The following PDE4B variants were observed in gnomAD, a reference collection of about 807,000 sequenced individuals.
PDE4B encodes the protein phosphodiesterase 4B.
PDE4B carries 20 observed loss-of-function variants against 82.2 expected under a neutral mutation model. That is an observed-to-expected ratio of 0.24 (90% CI 0.17 to 0.35). The LOEUF (loss-of-function observed/expected upper bound fraction) is 0.35, where lower values mean the gene tolerates loss of function less well. Among genes scored for constraint, PDE4B ranks in the 10% least tolerant of loss-of-function variants. The pLI is 1.00. For missense variants in PDE4B, 655 were observed against 907.2 expected (o/e 0.72, Z 3.57); for synonymous variants, 320 against 318.9 (o/e 1.00, Z -0.04).
chr1:66,294,174 C>T (rs1050980475), intron 7 of PDE4B, among the ~76,000 whole-genome samples: 1 of 152,032 alleles, frequency 6.6e-6, no homozygotes, highest in African/African-American at 2.4e-5. Flanking sequence ...CCATTGCACT[C>T]CACCCTGGGT....
chr1:66,279,593 C>G (rs1656147349), intron 7 of PDE4B, among the ~76,000 whole-genome samples: 1 of 151,998 alleles, frequency 6.6e-6, no homozygotes, highest in Non-Finnish European at 1.5e-5. Flanking sequence ...CCACTGCACT[C>G]CAGAGCGAGA....
At chr1:66,356,101 C>T (rs1662218507) in intron 9 of PDE4B, among the ~76,000 whole-genome samples, 1 of 152,142 alleles carries the variant, frequency 6.6e-6, no homozygotes, top group African/African-American at 2.4e-5. Flanking sequence ...TGAGAATAAG[C>T]TTTGGAAATA....
At chr1:65,978,049 TG>T (rs1650501233) in intron 3 of PDE4B, among the ~76,000 whole-genome samples, 1 of 134,932 alleles carries the variant, frequency 7.4e-6, no homozygotes, top group African/African-American at 2.7e-5. Context: ...TTTTTTGAGA[TG>T]GGGTTTTGCT....
chr1:65,900,612 G>A (rs1171061070), intron 1 of PDE4B, among the ~76,000 whole-genome samples: 1 of 152,010 alleles, frequency 6.6e-6, no homozygotes, highest in African/African-American at 2.4e-5. Context: ...CCATTTGTTT[G>A]TGTCATCTGT....
intron 1 of PDE4B, among the ~76,000 whole-genome samples, chr1:65,907,106 A>T (rs890764961): frequency 6.6e-6 from 1 of 152,118 alleles, no homozygotes; most frequent in Non-Finnish European, 1.5e-5. Flanking sequence ...TTCCCCTCAA[A>T]TTTACTTGCT....
intron 1 of PDE4B, among the ~76,000 whole-genome samples, chr1:65,844,163 A>T (rs563693930): frequency 6.6e-6 from 1 of 152,320 alleles, no homozygotes; most frequent in African/African-American, 2.4e-5. Context: ...GAATTGCTTC[A>T]TAAATGTGGA....
chr1:65,811,356 T>A (rs1479785330), intron 1 of PDE4B, among the ~76,000 whole-genome samples: 1 of 152,282 alleles, frequency 6.6e-6, no homozygotes, highest in Non-Finnish European at 1.5e-5. Flanking sequence ...TTGAGCATCC[T>A]CAAGGCTTGG....
intron 3 of PDE4B, among the ~76,000 whole-genome samples, chr1:66,184,946 G>A (rs559111344): frequency 5.3e-5 from 8 of 151,868 alleles, no homozygotes; most frequent in Non-Finnish European, 7.4e-5. Flanking sequence ...CCATTAACTC[G>A]TCATTTAACA....
At chr1:66,190,901 T>C (rs1442415983) in intron 3 of PDE4B, among the ~76,000 whole-genome samples, 1 of 152,142 alleles carries the variant, frequency 6.6e-6, no homozygotes, top group African/African-American at 2.4e-5. Context: ...CAGTTGGTAA[T>C]GCAGAAATCA....
At chr1:66,145,983 C>T (rs766242081) in intron 3 of PDE4B, among the ~76,000 whole-genome samples, 2 of 152,098 alleles carry the variant, frequency 1.3e-5, no homozygotes, top group Admixed American at 6.5e-5. Context: ...ATATTTGCTT[C>T]GCTTCACAAA....
rs879882395 is a variant in PDE4B at position 66,215,202 on chromosome 1, A to G, written c.282-32258A>G. ...TTCAACAGCTAGCAGGTCATAGGCA[A>G]CAAGCCAATGGGAAGGTTTTAGCAT... is the stretch of plus-strand genomic sequence containing the variant. On this transcript the variant is annotated intron_variant, in intron 3 of 16. Transcript: ENST00000341517. 7.2e-5 allele frequency among the ~76,000 whole-genome samples: 11 copies of G among 152,192 alleles called. 1 individual carries two copies. The highest frequency in any genetic ancestry group is 7.2e-4 in the Admixed American group (11 of 15,270).
intron 1 of PDE4B, among the ~76,000 whole-genome samples, chr1:65,886,632 A>T (rs1387008894): frequency 1.3e-5 from 2 of 152,014 alleles, no homozygotes; most frequent in Admixed American, 1.3e-4. Flanking sequence ...AGAATATGTG[A>T]TATTTGTCTT....
At chr1:66,034,324 T>C (rs1252465125) in intron 3 of PDE4B, among the ~76,000 whole-genome samples, 2 of 152,266 alleles carry the variant, frequency 1.3e-5, no homozygotes, top group Non-Finnish European at 2.9e-5. Flanking sequence ...TTTCACATTT[T>C]ACAGGAGAGG....
chr1:66,040,532 C>T (rs1055226597), intron 3 of PDE4B, among the ~76,000 whole-genome samples: 5 of 151,908 alleles, frequency 3.3e-5, no homozygotes, highest in Non-Finnish European at 5.9e-5. Flanking sequence ...AAAAAGGTTG[C>T]TTGTTTTGGG....
chr1:66,371,557 T>A (rs2050781797), intron 16 of PDE4B, among the ~76,000 whole-genome samples: 2 of 152,194 alleles, frequency 1.3e-5, no homozygotes, highest in South Asian at 4.1e-4. Context: ...ACTGCTTAAT[T>A]GTTTTTTATT....
chr1:66,348,991 A>T (rs1037412528), intron 8 of PDE4B, among the ~76,000 whole-genome samples: 3 of 152,122 alleles, frequency 2.0e-5, no homozygotes, highest in Non-Finnish European at 4.4e-5. Context: ...GTGTTCCAAT[A>T]ATGTGTGTTA....
intron 3 of PDE4B, among the ~76,000 whole-genome samples, chr1:65,963,808 A>G (rs1197040088): frequency 6.6e-6 from 1 of 152,160 alleles, no homozygotes; most frequent in African/African-American, 2.4e-5. Context: ...AGAATCATCC[A>G]TCCTGTTTTA....
rs373957716 is a variant in PDE4B, at chr1:66,245,309, C to A, written c.282-2151C>A. Among the ~76,000 whole-genome samples the A allele has an allele frequency of 5.9e-5, 9 of 152,098 alleles. No individual in the cohort carries two copies. In the East Asian group the frequency reaches 9.6e-4, roughly 16 times the overall value. On this transcript the variant is annotated intron_variant, in intron 3 of 16. Transcript: ENST00000341517. ...CCAGAAAGGTTGCACAGATACATAC[C>A]AGATGAATAACAACATAAATACATG... is the stretch of plus-strand genomic sequence containing the variant.
intron 1 of PDE4B, among the ~76,000 whole-genome samples, chr1:65,826,987 A>G (rs1238040879): frequency 6.6e-6 from 1 of 152,234 alleles, no homozygotes; most frequent in Non-Finnish European, 1.5e-5. Context: ...AGCCCAAAGC[A>G]AAGAAGGAAG....
Sources: gnomAD v4.1 joint callset for allele counts (sites outside exome capture counted in the v4.1 genomes callset) on GRCh38, gnomAD v4.1.1 for gene constraint, MANE v1.5 for transcripts, NCBI Gene and HGNC (gene_info 2026-07-23, HGNC 2026-07-21) for gene names.